Variants in PTPRU observed in about 807,000 individuals in gnomAD.
PTPRU encodes receptor-type tyrosine-protein phosphatase U.
PTPRU carries 69 observed loss-of-function variants against 166.3 expected under a neutral mutation model. The ratio of observed to expected loss-of-function variants is 0.41; its 90% CI spans 0.34 to 0.51. PTPRU has a LOEUF of 0.51. Ranked by LOEUF, PTPRU falls within the 20% of genes least tolerant of loss-of-function variation. The probability of loss-of-function intolerance (pLI) is 0.09; values close to 1 mark genes in which losing one functional copy is unlikely to be tolerated. For synonymous variants in PTPRU, 793 were observed against 814.0 expected (o/e 0.97, Z 0.44); for missense variants, 1,657 against 2,013.7 (o/e 0.82, Z 3.39).
intron 1 of PTPRU, among the ~76,000 whole-genome samples, chr1:29,254,183 G>A (rs1684674072): frequency 6.6e-6 from 1 of 152,172 alleles, no homozygotes; most frequent in Non-Finnish European, 1.5e-5. Flanking sequence ...CCACTTGCTT[G>A]GGCATTTTCC....
Position 29,307,155 on chromosome 1 carries a change from C to T in PTPRU, c.2820+1727C>T, listed in dbSNP as rs1050753600. 5 of 1,612,342 alleles carry T rather than the reference C, an allele frequency of 3.1e-6. No homozygotes were observed. In the Admixed American group the frequency reaches 5.0e-5, roughly 16 times the overall value. ...TTCGGATAAACCGAGAAGTAAGTAT[C>T]TCTCTCCCCTTCTCCTCCTCCTCCT... On this transcript the variant is annotated intron_variant, in intron 18 of 29. Transcript: ENST00000373779.
chr1:29,244,319 T>C (rs1458605382), intron 1 of PTPRU, among the ~76,000 whole-genome samples: 1 of 151,630 alleles, frequency 6.6e-6, no homozygotes, highest in Non-Finnish European at 1.5e-5. Context: ...GTGGGAAAGA[T>C]ATACCTGGGG....
chr1:29,258,656 C>G lies in PTPRU; in HGVS notation c.357C>G (p.Val119=). 1 of 1,614,252 alleles carries G rather than the reference C, an allele frequency of 6.2e-7. No individual in the cohort carries two copies. The highest frequency in any genetic ancestry group is 1.3e-5 in the African/African-American group (1 of 75,070). ...GGCACAGCCCGGGCACCCTGGGCGT[C>G]TACGTGCGCGTTAATGGGGGCCCCC... is the stretch of plus-strand genomic sequence containing the variant. The part of the protein sequence containing the change: ...RDGHSPGTLG[V]YVRVNGGPLG... Residue 119 remains valine, a synonymous_variant, in exon 3 of 30, where the codon GTC becomes GTG. Transcript: ENST00000373779.
Position 29,315,542 on chromosome 1 carries a change from C to T in PTPRU, c.3363+35C>T, listed in dbSNP as rs1687863745. 1.9e-6 allele frequency: 3 copies of T among 1,612,936 alleles called. No individual in the cohort carries two copies. The South Asian group carries it at 3.3e-5, about 18-fold the overall frequency. ...CCTGGCCCTGTCCCCACCATTATTA[C>T]TTCTAGGACTGGAGTTTCTCGTGAA... On this transcript the variant is annotated intron_variant, in intron 23 of 29. Coordinates refer to ENST00000373779, the MANE Select transcript of PTPRU (RefSeq NM_133178.4). The surrounding 1 kb of genome is among the most constrained non-coding windows in gnomAD (Gnocchi z 4.5).
chr1:29,247,804 G>A (rs944586076), intron 1 of PTPRU, among the ~76,000 whole-genome samples: 12 of 152,276 alleles, frequency 7.9e-5, no homozygotes, highest in African/African-American at 2.6e-4. Flanking sequence ...GCTGTACTTG[G>A]TTTCCTTCCA....
intron 14 of PTPRU, among the ~76,000 whole-genome samples, chr1:29,286,302 C>T (rs1321452329): frequency 1.3e-5 from 2 of 152,224 alleles, no homozygotes; most frequent in Non-Finnish European, 2.9e-5. Flanking sequence ...GAGCTTCACA[C>T]ACATCATCCA....
chr1:29,295,502 T>G (rs1686841494), intron 15 of PTPRU, among the ~76,000 whole-genome samples: 1 of 152,218 alleles, frequency 6.6e-6, no homozygotes, highest in South Asian at 2.1e-4. Context: ...CCCCATTTAT[T>G]TAGGTCTTGA....
chr1:29,325,478 C>T (rs1688369056), intron 29 of PTPRU, 121 bp from the exon 30 acceptor site: 9 of 1,504,574 alleles, frequency 6.0e-6, no homozygotes, highest in African/African-American at 1.4e-5. Context: ...TTTCTCCCTT[C>T]TCCCCGAGGG....
chr1:29,241,579 T>TC (rs1684056722), intron 1 of PTPRU, among the ~76,000 whole-genome samples: 1 of 149,280 alleles, frequency 6.7e-6, no homozygotes, highest in East Asian at 1.9e-4. Context: ...TATTTTTTTT[T>TC]TTTCTTCTTC....
chr1:29,308,623 C>A (rs925173341), intron 18 of PTPRU, among the ~76,000 whole-genome samples: 2 of 147,252 alleles, frequency 1.4e-5, no homozygotes, highest in African/African-American at 5.0e-5. Flanking sequence ...GTTGCCTAGG[C>A]TGGGGATTTT....
chr1:29,269,401 A>G (rs1359181377), intron 7 of PTPRU, among the ~76,000 whole-genome samples: 1 of 151,020 alleles, frequency 6.6e-6, no homozygotes, highest in Non-Finnish European at 1.5e-5. Flanking sequence ...AGCCTAATCC[A>G]GTGTTTTTAA....
intron 25 of PTPRU, among the ~76,000 whole-genome samples, chr1:29,318,710 C>G (rs1276330076): frequency 1.3e-5 from 2 of 152,256 alleles, no homozygotes; most frequent in African/African-American, 4.8e-5. Context: ...CAGGCCACCC[C>G]TCCCCGTCAG....
intron 14 of PTPRU, among the ~76,000 whole-genome samples, chr1:29,289,395 A>G (rs12082600): frequency 0.052 from 7,984 of 152,154 alleles, 661 homozygotes; most frequent in African/African-American, 0.18. Context: ...GTGAGTGTGC[A>G]TATGTGTATG....
rs1378410614 is a variant in PTPRU at position 29,237,943 on chromosome 1, G to C, written c.73+1226G>C. 1.3e-5 allele frequency among the ~76,000 whole-genome samples: 2 copies of C among 150,206 alleles called. No individual in the cohort carries two copies. The highest frequency in any genetic ancestry group is 4.9e-5 in the African/African-American group (2 of 41,182). On this transcript the variant is annotated intron_variant, in intron 1 of 29. Transcript: ENST00000373779. This position sits in a 1 kb window ranked among gnomAD's most constrained non-coding sequence, Gnocchi z 6.4. ...GCGGGCAGGGCCTGGCTCGCCGCCG[G>C]GGGACGGCGCCCCCTCCCTTGGCGC...
At chr1:29,296,976 TATTA>T (rs1686912337) in intron 15 of PTPRU, among the ~76,000 whole-genome samples, 1 of 152,056 alleles carries the variant, frequency 6.6e-6, no homozygotes, top group South Asian at 2.1e-4. Flanking sequence ...GTTATGCACT[TATTA>T]ATCATATTCT....
intron 7 of PTPRU, among the ~76,000 whole-genome samples, chr1:29,270,229 G>C (rs1348068469): frequency 6.6e-6 from 1 of 152,084 alleles, no homozygotes; most frequent in Non-Finnish European, 1.5e-5. Flanking sequence ...ATGACTGTAG[G>C]CTGGGCAATT....
chr1:29,297,346 C>T (rs1160459247), intron 15 of PTPRU, among the ~76,000 whole-genome samples: 1 of 152,054 alleles, frequency 6.6e-6, no homozygotes, highest in African/African-American at 2.4e-5. Context: ...TGAGCCACCG[C>T]ACCTGCCTGC....
At chr1:29,325,378 A>C (rs1688363293) in intron 29 of PTPRU, 52 bp downstream of exon 29, 1 of 1,598,736 alleles carries the variant, frequency 6.3e-7, no homozygotes, top group Non-Finnish European at 8.6e-7. Context: ...GGTCCATGCC[A>C]GGCCAGGTTC....
At position 29,311,906 on chromosome 1, in the gene PTPRU, G is replaced by A; in HGVS notation, c.3072+147G>A. ...GGAAGCTACTTGGTCACTGTTGGCT[G>A]GGAGCACTCTAGAAGGGCAGGAAGG... On this transcript the variant is annotated intron_variant, in intron 21 of 29. Transcript: ENST00000373779. This position sits in a 1 kb window ranked among gnomAD's most constrained non-coding sequence, Gnocchi z 4.1. 1.2e-6 allele frequency: 1 copy of A among 815,664 alleles called. No homozygotes were observed. Among genetic ancestry groups the A allele is most frequent in the South Asian group, 1.7e-5 (1 of 60,276 alleles). The allele number at this position is 815,664 out of a possible 1,614,324, so 50.5% of individuals were successfully genotyped here.
Sources: allele counts gnomAD v4.1 joint callset (sites outside exome capture counted in the v4.1 genomes callset), GRCh38; gene constraint gnomAD v4.1.1; non-coding constraint Gnocchi (gnomAD v3.1); transcripts MANE v1.5; gene names NCBI Gene and HGNC (gene_info 2026-07-23, HGNC 2026-07-21).